Variants in PTBP2 observed in about 807,000 individuals in gnomAD.
The protein encoded by PTBP2 is polypyrimidine tract-binding protein 2.
In PTBP2, 13 loss-of-function variants were observed where a neutral mutation model predicts 61.4. The ratio of observed to expected loss-of-function variants is 0.21; its 90% CI spans 0.14 to 0.34. The LOEUF (loss-of-function observed/expected upper bound fraction) is 0.34, where lower values mean the gene tolerates loss of function less well. Among genes scored for constraint, PTBP2 ranks in the 10% least tolerant of loss-of-function variants. The pLI is 1.00. For synonymous variants in PTBP2, 215 were observed against 218.5 expected (o/e 0.98, Z 0.14); for missense variants, 405 against 642.6 (o/e 0.63, Z 4.00).
intron 3 of PTBP2, among the ~76,000 whole-genome samples, chr1:96,759,198 C>T (rs958255643): frequency 2.0e-5 from 3 of 152,116 alleles, no homozygotes; most frequent in Non-Finnish European, 4.4e-5. Flanking sequence ...GTTAACATGC[C>T]AGTTCTCCCT....
chr1:96,775,848 ATTG>A (rs1407528249), intron 5 of PTBP2, among the ~76,000 whole-genome samples: 1 of 152,132 alleles, frequency 6.6e-6, no homozygotes, highest in Non-Finnish European at 1.5e-5. Flanking sequence ...AGAGAACATG[ATTG>A]TTAAGCCATA....
chr1:96,738,667 T>G (rs1348646835), intron 2 of PTBP2, among the ~76,000 whole-genome samples: 1 of 152,224 alleles, frequency 6.6e-6, no homozygotes, highest in Non-Finnish European at 1.5e-5. Flanking sequence ...ATGATTGTTG[T>G]GAAGATTAAA....
At chr1:96,757,145 TAAG>T (rs1655251553) in intron 3 of PTBP2, among the ~76,000 whole-genome samples, 1 of 152,192 alleles carries the variant, frequency 6.6e-6, no homozygotes, top group Non-Finnish European at 1.5e-5. Flanking sequence ...ATTACTGGTC[TAAG>T]TAGTCCAGTT....
chr1:96,806,724 TATTC>T, intron 10 of PTBP2, 138 bp from the exon 11 acceptor site: 1 of 703,100 alleles, frequency 1.4e-6, no homozygotes, highest in Non-Finnish European at 2.4e-6. Flanking sequence ...TGATCTTCTT[TATTC>T]ATTTGTGAGA....
chr1:96,807,495 G>A (rs374541344), intron 11 of PTBP2, among the ~76,000 whole-genome samples: 2 of 152,090 alleles, frequency 1.3e-5, no homozygotes, highest in African/African-American at 2.4e-5. Context: ...AACTTATGTC[G>A]TTTGACTTCA....
At chr1:96,784,074 T>G (rs1296187129) in intron 7 of PTBP2, among the ~76,000 whole-genome samples, 1 of 152,118 alleles carries the variant, frequency 6.6e-6, no homozygotes, top group Non-Finnish European at 1.5e-5. Context: ...CTTAAGCAAC[T>G]GTAGAGGTTT....
chr1:96,763,721 A>T (rs951131496), intron 3 of PTBP2, among the ~76,000 whole-genome samples: 3 of 152,146 alleles, frequency 2.0e-5, no homozygotes, highest in African/African-American at 7.2e-5. Flanking sequence ...TAATGATGGC[A>T]TAAAATTCCT....
In PTBP2 at chr1:96,777,880, A is replaced by C; in HGVS notation, c.642A>C (p.Thr214=). ...CTGTATTGAAGATAATCACATTTACAAAAAATAACCAGTTTCAAGCTTTGC... is the reference window on the plus strand; with the variant it reads ...CTGTATTGAAGATAATCACATTTACCAAAAATAACCAGTTTCAAGCTTTGC... The part of the protein sequence containing the change: ...FGAVLKIITF[T]KNNQFQALLQ... The change falls in exon 7 of 14, where the codon ACA becomes ACC. Residue 214 remains threonine, a synonymous_variant. Coordinates refer to ENST00000674951, the MANE Select transcript of PTBP2 (RefSeq NM_021190.4). 6.3e-7 allele frequency: 1 copy of C among 1,594,068 alleles called. No individual in the cohort carries two copies. The highest frequency in any genetic ancestry group is 2.3e-5 in the East Asian group (1 of 44,332).
intron 5 of PTBP2, among the ~76,000 whole-genome samples, chr1:96,774,517 A>G (rs1458840020): frequency 6.6e-6 from 1 of 152,230 alleles, no homozygotes; most frequent in South Asian, 2.1e-4. Flanking sequence ...AATAGAAGAC[A>G]TGCAAATGAG....
Position 96,762,163 on chromosome 1 carries a change from C to CA in PTBP2, c.116-7538dup, listed in dbSNP as rs770806340. Among the ~76,000 whole-genome samples, 812 of 151,158 alleles carry CA rather than the reference C, an allele frequency of 5.4e-3. 3 individuals are homozygous for CA. The highest frequency in any genetic ancestry group is 8.6e-3 in the Non-Finnish European group (579 of 67,696). Reference sequence around the variant, plus strand: ...CAGACACGGCAACCATCCGATTTCTCAATCTTTTCCCCACCTTTCCCCCCT... The same window carrying CA: ...CAGACACGGCAACCATCCGATTTCTCAAATCTTTTCCCCACCTTTCCCCCCT... On this transcript the variant is annotated intron_variant, in intron 3 of 13. Transcript: ENST00000674951.
chr1:96,785,846 A>G (rs1659151997), intron 8 of PTBP2, among the ~76,000 whole-genome samples: 1 of 152,206 alleles, frequency 6.6e-6, no homozygotes, highest in Non-Finnish European at 1.5e-5. Flanking sequence ...TTTGTACCAC[A>G]ATGGACTTGA....
intron 8 of PTBP2, among the ~76,000 whole-genome samples, chr1:96,786,255 C>G (rs1262158558): frequency 6.6e-6 from 1 of 152,144 alleles, no homozygotes; most frequent in Non-Finnish European, 1.5e-5. Flanking sequence ...GAGAGATACT[C>G]TAAGGCAGTT....
chr1:96,777,563 A>T, intron 5 of PTBP2, 22 bp from the exon 6 acceptor site: 2 of 1,586,672 alleles, frequency 1.3e-6, no homozygotes, highest in Non-Finnish European at 1.7e-6. Flanking sequence ...ATGTTTCTAA[A>T]CTACATAATC....
chr1:96,790,777 A>G (rs1570958699), intron 8 of PTBP2, among the ~76,000 whole-genome samples: 1 of 152,192 alleles, frequency 6.6e-6, no homozygotes, highest in Non-Finnish European at 1.5e-5. Context: ...CTGGTAGCCC[A>G]GAGTGGTTTG....
At chr1:96,784,920 T>A (rs1459260311) in intron 7 of PTBP2, 139 bp from the exon 8 acceptor site, 2 of 647,048 alleles carry the variant, frequency 3.1e-6, no homozygotes, top group Non-Finnish European at 4.9e-6. Context: ...CAGCAAAATT[T>A]GATATATGAA....
intron 2 of PTBP2, 41 bp from the exon 3 acceptor site, chr1:96,751,384 A>G (rs774827233): frequency 1.4e-6 from 2 of 1,438,022 alleles, no homozygotes; most frequent in Non-Finnish European, 2.0e-6. Context: ...ATATTTTTAA[A>G]TTTAAAGATG....
chr1:96,801,106 G>T (rs1469364967), intron 8 of PTBP2, among the ~76,000 whole-genome samples: 1 of 151,994 alleles, frequency 6.6e-6, no homozygotes, highest in East Asian at 1.9e-4. Context: ...CCTTAGGCTG[G>T]TATGTTTAGA....
At chr1:96,773,629 C>T (rs966530503) in intron 5 of PTBP2, among the ~76,000 whole-genome samples, 9 of 152,030 alleles carry the variant, frequency 5.9e-5, no homozygotes, top group African/African-American at 2.2e-4. Flanking sequence ...TACCCCCATT[C>T]CCCCCAAATA....
intron 3 of PTBP2, among the ~76,000 whole-genome samples, chr1:96,761,345 GATGTGT>G (rs1655827692): frequency 1.2e-5 from 1 of 80,854 alleles, no homozygotes; most frequent in African/African-American, 4.5e-5. Context: ...TGTGGGATTT[GATGTGT>G]GTGTGTGTGT....
Sources: allele counts gnomAD v4.1 joint callset (sites outside exome capture counted in the v4.1 genomes callset), GRCh38; gene constraint gnomAD v4.1.1; transcripts MANE v1.5; gene names NCBI Gene and HGNC (gene_info 2026-07-23, HGNC 2026-07-21).